The following ERCC8 variants were observed in gnomAD, a reference collection of about 807,000 sequenced individuals.
ERCC8 encodes DNA excision repair protein ERCC-8.
In ERCC8, 52 loss-of-function variants were observed where a neutral mutation model predicts 54.9. The ratio of observed to expected loss-of-function variants is 0.95; its 90% confidence interval spans 0.76 to 1.19. The LOEUF (loss-of-function observed/expected upper bound fraction) is 1.19. ERCC8 is among the 50% of genes most tolerant of loss of function. The pLI is 0.00. For missense variants in ERCC8, 514 were observed against 466.1 expected (o/e 1.10, Z -0.95); for synonymous variants, 146 against 157.2 (o/e 0.93, Z 0.53).
intron 9 of ERCC8, 117 bp from the exon 10 acceptor site, chr5:60,891,203 G>T: frequency 1.4e-6 from 1 of 695,462 alleles, no homozygotes. Flanking sequence ...TAAATTTAAG[G>T]AAAATATTCA....
At chr5:60,923,781 C>A (rs1173560568) in intron 2 of ERCC8, among the ~76,000 whole-genome samples, 6 of 151,822 alleles carry the variant, frequency 4.0e-5, no homozygotes, top group Non-Finnish European at 7.4e-5. Context: ...TACATTTATC[C>A]CAATTACAAA....
chr5:60,943,335 C>G (rs1436428754), intron 1 of ERCC8, among the ~76,000 whole-genome samples: 1 of 152,120 alleles, frequency 6.6e-6, no homozygotes, highest in Non-Finnish European at 1.5e-5. Context: ...GCAATCCTCA[C>G]TTGGCACAGT....
chr5:60,906,297 A>G (rs1012473427), intron 4 of ERCC8, among the ~76,000 whole-genome samples: 2 of 151,958 alleles, frequency 1.3e-5, no homozygotes, highest in African/African-American at 2.4e-5. Context: ...TGGCTTCCCA[A>G]AGTGTTGGGA....
chr5:60,884,527 T>G (rs1748339594), intron 11 of ERCC8, among the ~76,000 whole-genome samples: 1 of 150,236 alleles, frequency 6.7e-6, no homozygotes, highest in African/African-American at 2.4e-5. Context: ...GTATGTGTTT[T>G]TTTTTTTTTT....
chr5:60,899,635 A>G lies in ERCC8; in HGVS notation c.710T>C (p.Val237Ala). ...AATGCGTTCTTCCTTACCTGATTCAACAGCTTGTGACTTTTTCCCATTATG... is the reference window on the plus strand; with the variant it reads ...AATGCGTTCTTCCTTACCTGATTCAGCAGCTTGTGACTTTTTCCCATTATG... ...DQHNGKKSQA[V>A]ESANTAHNGK... Residue 237 changes from valine (V) to alanine (A), a missense_variant, in exon 8 of 12, where the codon GTT (valine) becomes GCT (alanine). By Grantham distance (64) the Val-to-Ala change is moderately conservative (BLOSUM62 0). Transcript: ENST00000676185. 1 of 1,607,556 alleles carries G rather than the reference A, an allele frequency of 6.2e-7. No homozygotes were observed. Among genetic ancestry groups the G allele is most frequent in the Non-Finnish European group, 8.5e-7 (1 of 1,174,642 alleles).
In ERCC8 at chr5:60,904,867, C is replaced by T. The variant is rs367886044; in HGVS notation, c.406G>A (p.Asp136Asn). The T allele has an allele frequency of 4.7e-6, 7 of 1,504,874 alleles. No individual in the cohort carries two copies. Among genetic ancestry groups the T allele is most frequent in the Non-Finnish European group, 2.8e-6 (3 of 1,081,330 alleles). The allele number at this position is 1,504,874 out of a possible 1,614,324, so 93.2% of individuals were successfully genotyped here. A position where few individuals can be genotyped will look rare whatever the true frequency, so the allele number is the denominator to read the frequency against. The change falls in exon 5 of 12, where the codon GAT becomes AAT. Residue 136 changes from aspartate (D) to asparagine (N), a missense_variant. Transcript: ENST00000676185. ...ACTGTTTCCTCAAAATTAAATACAT[C>T]TGCAGTCTGGTAATCAAAAGACATT... ...VWDTNTLQTA[D>N]VFNFEETVYS...
At chr5:60,882,878 T>G (rs1350964544) in intron 11 of ERCC8, among the ~76,000 whole-genome samples, 1 of 152,112 alleles carries the variant, frequency 6.6e-6, no homozygotes, top group African/African-American at 2.4e-5. Context: ...AAAAGACATC[T>G]TGTCATTGGG....
chr5:60,925,466 G>A (rs1749719692), intron 2 of ERCC8, among the ~76,000 whole-genome samples: 1 of 152,098 alleles, frequency 6.6e-6, no homozygotes, highest in Non-Finnish European at 1.5e-5. Context: ...TCTTACCATG[G>A]GCCACTCAAA....
intron 9 of ERCC8, chr5:60,892,731 G>C: frequency 1.4e-6 from 1 of 696,542 alleles, no homozygotes; most frequent in African/African-American, 1.8e-5. Context: ...GCCCACCTCT[G>C]AGCTGGGCCC....
intron 11 of ERCC8, among the ~76,000 whole-genome samples, chr5:60,881,826 A>AGTG (rs1173573983): frequency 6.8e-6 from 1 of 147,192 alleles, no homozygotes; most frequent in East Asian, 2.0e-4. Context: ...GCGATGCCTC[A>AGTG]CCCTGCTTTG....
chr5:60,880,660 C>T (rs1031611516), intron 11 of ERCC8, among the ~76,000 whole-genome samples: 6 of 152,244 alleles, frequency 3.9e-5, no homozygotes, highest in African/African-American at 1.4e-4. Context: ...ATCAAATCAG[C>T]TACTGAGGCT....
chr5:60,914,304 G>T (rs10064187), intron 4 of ERCC8, among the ~76,000 whole-genome samples: 102,170 of 151,838 alleles, frequency 0.67, 34,765 homozygotes, highest in East Asian at 0.94. Flanking sequence ...TTTAGGATAG[G>T]TAGCTCTTCT....
intron 9 of ERCC8, chr5:60,893,024 C>T: frequency 1.3e-6 from 1 of 783,972 alleles, no homozygotes; most frequent in East Asian, 2.5e-5. Flanking sequence ...CAGTTGGCAA[C>T]TCATTCCGAA....
intron 9 of ERCC8, among the ~76,000 whole-genome samples, chr5:60,896,540 C>A (rs902407786): frequency 3.3e-5 from 5 of 152,120 alleles, no homozygotes; most frequent in Non-Finnish European, 5.9e-5. Flanking sequence ...AAAGAAGTTA[C>A]TAAACGGCAG....
intron 1 of ERCC8, among the ~76,000 whole-genome samples, chr5:60,935,008 A>G (rs1750023343): frequency 6.6e-6 from 1 of 152,126 alleles, no homozygotes; most frequent in Non-Finnish European, 1.5e-5. Context: ...TGATGCCTCC[A>G]GATTTGTTCT....
intron 8 of ERCC8, among the ~76,000 whole-genome samples, chr5:60,898,828 G>C (rs1748792722): frequency 6.7e-6 from 1 of 148,674 alleles, no homozygotes; most frequent in Non-Finnish European, 1.5e-5. Flanking sequence ...GACTGTTGTA[G>C]TCTCAAAATT....
chr5:60,923,018 C>A (rs1034468889), intron 2 of ERCC8, among the ~76,000 whole-genome samples: 1 of 151,960 alleles, frequency 6.6e-6, no homozygotes, highest in Non-Finnish European at 1.5e-5. Context: ...ATTCTAGGAA[C>A]CAAAAGAAGG....
rs763836361 is a variant in ERCC8, at chr5:60,867,094, C to T, written c.*7521G>A. Among the ~76,000 whole-genome samples the T allele has an allele frequency of 2.6e-5, 4 of 152,120 alleles. No homozygotes were observed. The highest frequency in any genetic ancestry group is 5.9e-5 in the Non-Finnish European group (4 of 68,024). On this transcript the variant is annotated 3_prime_UTR_variant, in exon 12 of 12. Coordinates refer to ENST00000676185, the MANE Select transcript of ERCC8 (RefSeq NM_000082.4). ...CTCGTGATCCATCCACCTCAGCCTC[C>T]CAAAGTGCTGGGATTATAGGCGTGA...
At chr5:60,896,957 C>T (rs1002319428) in intron 9 of ERCC8, among the ~76,000 whole-genome samples, 2 of 152,210 alleles carry the variant, frequency 1.3e-5, no homozygotes, top group African/African-American at 4.8e-5. Context: ...TCCATCTCAC[C>T]CAGAGAAAAG....
Sources: allele counts gnomAD v4.1 joint callset (sites outside exome capture counted in the v4.1 genomes callset), GRCh38; gene constraint gnomAD v4.1.1; transcripts MANE v1.5; gene names NCBI Gene and HGNC (gene_info 2026-07-23, HGNC 2026-07-21).